Variants in H2BC1 observed in about 807,000 individuals in gnomAD.
H2BC1 encodes the protein H2B clustered histone 1.
In H2BC1, 5 loss-of-function variants were observed where a neutral mutation model predicts 5.4. The ratio of observed to expected loss-of-function variants is 0.92; its 90% CI spans 0.48 to 1.94. The LOEUF is 1.94. Ranked by LOEUF, H2BC1 falls within the 30% of genes most tolerant of loss-of-function variation. The pLI is 0.01. For missense variants in H2BC1, 210 were observed against 159.1 expected (o/e 1.32, Z -1.72); for synonymous variants, 131 against 58.2 (o/e 2.25, Z -5.69).
rs1268781616 is a variant in H2BC1, at chr6:25,726,942, T to C, written c.34T>C (p.Ser12Pro). ...GGTGTCATCTAAAGGTGCTACCATT[T>C]CCAAGAAGGGCTTTAAGAAAGCTGT... ...PEVSSKGATI[S>P]KKGFKKAVVK... The change falls in exon 1 of 1, where the codon TCC becomes CCC. Residue 12 changes from serine to proline, a missense_variant. Ser to Pro is a moderately conservative substitution (Grantham distance 74). Coordinates refer to ENST00000274764, the MANE Select transcript of H2BC1 (RefSeq NM_170610.3). 1.2e-6 allele frequency: 2 copies of C among 1,613,840 alleles called. No homozygotes were observed. The highest frequency in any genetic ancestry group is 2.2e-5 in the South Asian group (2 of 91,030).
At position 25,727,071 on chromosome 6, in the gene H2BC1, G is replaced by A. The variant is rs1760282173; in HGVS notation, c.163G>A (p.Gly55Ser). The A allele has an allele frequency of 6.2e-7, 1 of 1,614,096 alleles. No homozygotes were observed. The highest frequency in any genetic ancestry group is 1.1e-5 in the South Asian group (1 of 91,090). The change falls in exon 1 of 1, where the codon GGC becomes AGC. Residue 55 changes from glycine to serine, a missense_variant. By Grantham distance (56) the Gly-to-Ser change is moderately conservative. Coordinates refer to ENST00000274764, the MANE Select transcript of H2BC1 (RefSeq NM_170610.3). ...KVLKQVHPDT[G>S]ISSKAMSIMN... ...GCTAAAGCAGGTCCATCCGGACACT[G>A]GCATCTCTTCGAAAGCTATGAGCAT...
Position 25,727,150 on chromosome 6 carries a change from G to T in H2BC1, c.242G>T (p.Arg81Leu), listed in dbSNP as rs748832558. ...IFERIASEAS[R>L]LAHYSKRSTI... ...GAGCGTATAGCGAGCGAGGCATCAC[G>T]TTTGGCTCACTACAGCAAGCGCTCC... is the stretch of plus-strand genomic sequence containing the variant. The change falls in exon 1 of 1, where the codon CGT becomes CTT. Residue 81 changes from arginine to leucine, a missense_variant. Coordinates refer to ENST00000274764, the MANE Select transcript of H2BC1 (RefSeq NM_170610.3). The T allele has an allele frequency of 1.9e-6, 3 of 1,614,174 alleles. No homozygotes were observed. The highest frequency in any genetic ancestry group is 1.1e-5 in the South Asian group (1 of 91,082).
chr6:25,727,114 C>A lies in H2BC1; in HGVS notation c.206C>A (p.Thr69Asn). The change falls in exon 1 of 1, where the codon ACT becomes AAT. Residue 69 changes from threonine (T) to asparagine (N), a missense_variant. By Grantham distance (65) the Thr-to-Asn change is moderately conservative. Coordinates refer to ENST00000274764, the MANE Select transcript of H2BC1 (RefSeq NM_170610.3). The part of the protein sequence containing the change: ...KAMSIMNSFV[T>N]DIFERIASEA... The stretch of plus-strand genomic sequence containing the variant: ...ATGAGCATTATGAATTCCTTCGTCA[C>A]TGATATCTTTGAGCGTATAGCGAGC... The A allele has an allele frequency of 6.2e-7, 1 of 1,614,238 alleles. No individual in the cohort carries two copies. The highest frequency in any genetic ancestry group is 1.3e-5 in the African/African-American group (1 of 75,076).
In H2BC1 at chr6:25,727,037, C is replaced by G. The variant is rs4712960; in HGVS notation, c.129C>G (p.Ile43Met). ...RTRKESYSIY[I>M]YKVLKQVHPD... ...GTAAGGAGAGTTATTCTATTTACAT[C>G]TACAAAGTGCTAAAGCAGGTCCATC... The change falls in exon 1 of 1, where the codon ATC becomes ATG. Residue 43 changes from isoleucine (I) to methionine (M), a missense_variant. Coordinates refer to ENST00000274764, the MANE Select transcript of H2BC1 (RefSeq NM_170610.3). 6.2e-7 allele frequency: 1 copy of G among 1,614,078 alleles called. No homozygotes were observed. The highest frequency in any genetic ancestry group is 1.1e-5 in the South Asian group (1 of 91,078).
In H2BC1 at chr6:25,726,953, C is replaced by CTT; in HGVS notation, c.47_48dup (p.Lys17LeufsTer32). The CTT allele has an allele frequency of 1.2e-6, 2 of 1,614,036 alleles. No homozygotes were observed. The highest frequency in any genetic ancestry group is 1.7e-6 in the Non-Finnish European group (2 of 1,179,996). On this transcript the variant is annotated frameshift_variant, in exon 1 of 1. Coordinates refer to ENST00000274764, the MANE Select transcript of H2BC1 (RefSeq NM_170610.3). LOFTEE classifies it low-confidence loss of function (END_TRUNC). The stretch of plus-strand genomic sequence containing the variant: ...AAGGTGCTACCATTTCCAAGAAGGG[C>CTT]TTTAAGAAAGCTGTCGTTAAGACCC...
Position 25,727,094 on chromosome 6 carries a change from C to T in H2BC1, c.186C>T (p.Ser62=), listed in dbSNP as rs1370030600. 1 of 1,614,218 alleles carries T rather than the reference C, an allele frequency of 6.2e-7. No individual in the cohort carries two copies. The highest frequency in any genetic ancestry group is 1.1e-5 in the South Asian group (1 of 91,092). ...PDTGISSKAM[S]IMNSFVTDIF... Reference sequence around the variant, plus strand: ...CTGGCATCTCTTCGAAAGCTATGAGCATTATGAATTCCTTCGTCACTGATA... The same window carrying T: ...CTGGCATCTCTTCGAAAGCTATGAGTATTATGAATTCCTTCGTCACTGATA... The change falls in exon 1 of 1, where the codon AGC becomes AGT. Residue 62 remains serine (S), a synonymous_variant. Transcript: ENST00000274764.
rs765445545 is a variant in H2BC1 at position 25,727,178 on chromosome 6, C to T, written c.270C>T (p.Thr90=). Residue 90 remains threonine, a synonymous_variant, in exon 1 of 1, where the codon ACC becomes ACT. Coordinates refer to ENST00000274764, the MANE Select transcript of H2BC1 (RefSeq NM_170610.3). ...SRLAHYSKRS[T]ISSREIQTAV... ...TGGCTCACTACAGCAAGCGCTCCAC[C>T]ATTTCTTCCAGAGAGATTCAGACAG... The T allele has an allele frequency of 2.5e-6, 4 of 1,614,132 alleles. No homozygotes were observed. In the South Asian group the frequency reaches 3.3e-5, roughly 13 times the overall value.
chr6:25,727,226 A>G lies in H2BC1; in HGVS notation c.318A>G (p.Gly106=). 1 of 1,613,964 alleles carries G rather than the reference A, an allele frequency of 6.2e-7. No individual in the cohort carries two copies. Among genetic ancestry groups the G allele is most frequent in the Middle Eastern group, 1.7e-4 (1 of 6,046 alleles). The change falls in exon 1 of 1, where the codon GGA becomes GGG. Residue 106 remains glycine (G), a synonymous_variant. Transcript: ENST00000274764. ...IQTAVRLLLP[G]ELAKHAVSEG... is the part of the protein sequence containing the mutation. The stretch of plus-strand genomic sequence containing the variant: ...CAGCAGTGCGCTTGCTACTGCCGGG[A>G]GAGCTGGCTAAACATGCTGTGTCTG...
At position 25,727,327 on chromosome 6, in the gene H2BC1, C is replaced by T. The variant is rs1321917090; in HGVS notation, c.*35C>T. The T allele has an allele frequency of 6.5e-7, 1 of 1,540,630 alleles. No homozygotes were observed. The highest frequency in any genetic ancestry group is 1.8e-4 in the Middle Eastern group (1 of 5,426). On this transcript the variant is annotated 3_prime_UTR_variant, in exon 1 of 1. Transcript: ENST00000274764. Reference sequence around the variant, plus strand: ...GTAAACGTCATTTCTAACCCAAAGGCTCTTTTCAGAGCCACTTAAACATAC... The same window carrying T: ...GTAAACGTCATTTCTAACCCAAAGGTTCTTTTCAGAGCCACTTAAACATAC...
rs1465226120 is a variant in H2BC1 at position 25,727,305 on chromosome 6, A to G, written c.*13A>G. On this transcript the variant is annotated 3_prime_UTR_variant, in exon 1 of 1. Transcript: ENST00000274764. Reference sequence around the variant, plus strand: ...CAGCTCCAAGTAAGCCTGCTAAGTAAACGTCATTTCTAACCCAAAGGCTCT... The same window carrying G: ...CAGCTCCAAGTAAGCCTGCTAAGTAGACGTCATTTCTAACCCAAAGGCTCT... 3 of 1,572,280 alleles carry G rather than the reference A, an allele frequency of 1.9e-6. No homozygotes were observed. The highest frequency in any genetic ancestry group is 1.2e-5 in the South Asian group (1 of 83,792).
In H2BC1 at chr6:25,726,810, C is replaced by G; in HGVS notation, c.-99C>G. On this transcript the variant is annotated 5_prime_UTR_variant, in exon 1 of 1. Coordinates refer to ENST00000274764, the MANE Select transcript of H2BC1 (RefSeq NM_170610.3). ...ACTTGGCGAGACTTGGAGCTGAGGTCATTTGGAGCTGTTTAATACTGAAGA... is the reference window on the plus strand; with the variant it reads ...ACTTGGCGAGACTTGGAGCTGAGGTGATTTGGAGCTGTTTAATACTGAAGA... 1 of 1,392,514 alleles carries G rather than the reference C, an allele frequency of 7.2e-7. No individual in the cohort carries two copies. Among genetic ancestry groups the G allele is most frequent in the Non-Finnish European group, 9.8e-7 (1 of 1,023,012 alleles). 86.3% of individuals were successfully genotyped at this position (1,392,514 alleles called of 1,614,324 possible).
rs753541404 is a variant in H2BC1 at position 25,727,204 on chromosome 6, C to G, written c.296C>G (p.Ala99Gly). 1 of 1,614,160 alleles carries G rather than the reference C, an allele frequency of 6.2e-7. No homozygotes were observed. Among genetic ancestry groups the G allele is most frequent in the Non-Finnish European group, 8.5e-7 (1 of 1,180,010 alleles). Residue 99 changes from alanine to glycine, a missense_variant, in exon 1 of 1, where the codon GCA becomes GGA. Transcript: ENST00000274764. ...ATTTCTTCCAGAGAGATTCAGACAGCAGTGCGCTTGCTACTGCCGGGAGAG... is the reference window on the plus strand; with the variant it reads ...ATTTCTTCCAGAGAGATTCAGACAGGAGTGCGCTTGCTACTGCCGGGAGAG... ...STISSREIQT[A>G]VRLLLPGELA...
In H2BC1 at chr6:25,727,249, C is replaced by CT. The variant is rs1276731633; in HGVS notation, c.342dup (p.Glu115Ter). Reference sequence around the variant, plus strand: ...GGAGAGCTGGCTAAACATGCTGTGTCTGAGGGCACCAAGGCTGTCACTAAG... The same window carrying CT: ...GGAGAGCTGGCTAAACATGCTGTGTCTTGAGGGCACCAAGGCTGTCACTAAG... On this transcript the variant is annotated frameshift_variant, in exon 1 of 1. Transcript: ENST00000274764. LOFTEE classifies it high-confidence loss of function. The CT allele has an allele frequency of 1.2e-6, 2 of 1,612,426 alleles. No individual in the cohort carries two copies. The highest frequency in any genetic ancestry group is 1.1e-5 in the South Asian group (1 of 90,942).
In H2BC1 at chr6:25,727,247, G is replaced by C. The variant is rs1760294889; in HGVS notation, c.339G>C (p.Val113=). Residue 113 remains valine (V), a synonymous_variant, in exon 1 of 1, where the codon GTG becomes GTC. Coordinates refer to ENST00000274764, the MANE Select transcript of H2BC1 (RefSeq NM_170610.3). ...CGGGAGAGCTGGCTAAACATGCTGTGTCTGAGGGCACCAAGGCTGTCACTA... is the reference window on the plus strand; with the variant it reads ...CGGGAGAGCTGGCTAAACATGCTGTCTCTGAGGGCACCAAGGCTGTCACTA... ...LLPGELAKHA[V]SEGTKAVTKY... The C allele has an allele frequency of 1.2e-6, 2 of 1,612,352 alleles. No homozygotes were observed. Among genetic ancestry groups the C allele is most frequent in the African/African-American group, 2.7e-5 (2 of 74,886 alleles).
Position 25,726,969 on chromosome 6 carries a change from G to A in H2BC1, c.61G>A (p.Val21Ile), listed in dbSNP as rs142382084. ...ISKKGFKKAVVKTQKKEGKKR... is the reference protein window; with the variant it reads ...ISKKGFKKAVIKTQKKEGKKR... ...CAAGAAGGGCTTTAAGAAAGCTGTC[G>A]TTAAGACCCAGAAAAAGGAAGGCAA... The change falls in exon 1 of 1, where the codon GTT (valine) becomes ATT (isoleucine). Residue 21 changes from valine to isoleucine, a missense_variant. Val to Ile is a conservative substitution (Grantham distance 29, BLOSUM62 3). Coordinates refer to ENST00000274764, the MANE Select transcript of H2BC1 (RefSeq NM_170610.3). 4.6e-5 allele frequency: 74 copies of A among 1,614,126 alleles called. No individual in the cohort carries two copies. Among genetic ancestry groups the A allele is most frequent in the Non-Finnish European group, 5.7e-5 (67 of 1,180,012 alleles).
chr6:25,727,062 C>T lies in H2BC1; in HGVS notation c.154C>T (p.Pro52Ser), dbSNP rs774149233. Residue 52 changes from proline (P) to serine (S), a missense_variant, in exon 1 of 1, where the codon CCG (proline) becomes TCG (serine). By Grantham distance (74) the Pro-to-Ser change is moderately conservative. Coordinates refer to ENST00000274764, the MANE Select transcript of H2BC1 (RefSeq NM_170610.3). ...YIYKVLKQVH[P>S]DTGISSKAMS... The stretch of plus-strand genomic sequence containing the variant: ...CTACAAAGTGCTAAAGCAGGTCCAT[C>T]CGGACACTGGCATCTCTTCGAAAGC... The T allele has an allele frequency of 1.2e-6, 2 of 1,614,106 alleles. No individual in the cohort carries two copies. The highest frequency in any genetic ancestry group is 1.7e-6 in the Non-Finnish European group (2 of 1,180,046).
At position 25,727,187 on chromosome 6, in the gene H2BC1, C is replaced by T; in HGVS notation, c.279C>T (p.Ser93=). 7 of 1,614,144 alleles carry T rather than the reference C, an allele frequency of 4.3e-6. No individual in the cohort carries two copies. Among genetic ancestry groups the T allele is most frequent in the Non-Finnish European group, 5.9e-6 (7 of 1,180,044 alleles). ...AHYSKRSTIS[S]REIQTAVRLL... ...ACAGCAAGCGCTCCACCATTTCTTC[C>T]AGAGAGATTCAGACAGCAGTGCGCT... Residue 93 remains serine, a synonymous_variant, in exon 1 of 1, where the codon TCC becomes TCT. Transcript: ENST00000274764.
chr6:25,727,336 G>T lies in H2BC1; in HGVS notation c.*44G>T. 6.6e-7 allele frequency: 1 copy of T among 1,524,550 alleles called. No individual in the cohort carries two copies. The allele number at this position is 1,524,550 out of a possible 1,614,324, so 94.4% of individuals were successfully genotyped here. On this transcript the variant is annotated 3_prime_UTR_variant, in exon 1 of 1. Coordinates refer to ENST00000274764, the MANE Select transcript of H2BC1 (RefSeq NM_170610.3). ...ATTTCTAACCCAAAGGCTCTTTTCA[G>T]AGCCACTTAAACATACTGAAACAGC...
In H2BC1 at chr6:25,726,930, G is replaced by A. The variant is rs141897280; in HGVS notation, c.22G>A (p.Gly8Ser). MPEVSSK[G>S]ATISKKGFKK... is the part of the protein sequence containing the mutation. ...AGCTATGCCGGAGGTGTCATCTAAA[G>A]GTGCTACCATTTCCAAGAAGGGCTT... The change falls in exon 1 of 1, where the codon GGT becomes AGT. Residue 8 changes from glycine (G) to serine (S), a missense_variant. Coordinates refer to ENST00000274764, the MANE Select transcript of H2BC1 (RefSeq NM_170610.3). 2,295 of 1,613,530 alleles carry A rather than the reference G, an allele frequency of 1.4e-3. 15 individuals carry two copies. In the East Asian group the frequency reaches 0.018, roughly 13 times the overall value.
Sources: allele counts gnomAD v4.1 joint callset, GRCh38; gene constraint gnomAD v4.1.1; transcripts MANE v1.5; gene names NCBI Gene and HGNC (gene_info 2026-07-23, HGNC 2026-07-21).